The following KHDRBS2 variants were observed in gnomAD, a reference collection of about 807,000 sequenced individuals.
The protein encoded by KHDRBS2 is KH RNA binding domain containing, signal transduction associated 2.
A neutral mutation model predicts 44.3 loss-of-function variants in KHDRBS2; 26 were observed. The ratio of observed to expected loss-of-function variants is 0.59; its 90% CI spans 0.43 to 0.81. The LOEUF (loss-of-function observed/expected upper bound fraction) is 0.81. KHDRBS2 is among the 40% of genes least tolerant of loss of function. The pLI, the probability that KHDRBS2 is intolerant of heterozygous loss-of-function variation, is 0.00. For missense variants in KHDRBS2, 476 were observed against 433.1 expected, an observed-to-expected ratio of 1.10 and a Z score of -0.88; for synonymous variants, 194 against 151.1, an observed-to-expected ratio of 1.28 and a Z score of -2.08.
At position 61,681,023 on chromosome 6, in the gene KHDRBS2, C is replaced by T. The variant is rs749160853; in HGVS notation, c.990G>A (p.Lys330=). The change falls in exon 9 of 9, where the codon AAG becomes AAA. Residue 330 remains lysine, a synonymous_variant. Transcript: ENST00000281156. The stretch of plus-strand genomic sequence containing the variant: ...CTCTGGCTGACCTTTGCGGTGGTGC[C>T]TTCAAGCTAGAGCGGGTTGTGGCCC... The part of the protein sequence containing the change: ...EEWATTRSSL[K]APPQRSARGG... The T allele has an allele frequency of 1.2e-6, 2 of 1,611,788 alleles. No homozygotes were observed. Among genetic ancestry groups the T allele is most frequent in the East Asian group, 2.2e-5 (1 of 44,758 alleles).
intron 6 of KHDRBS2, among the ~76,000 whole-genome samples, chr6:61,805,490 C>G (rs1181560165): frequency 6.6e-6 from 1 of 152,132 alleles, no homozygotes; most frequent in Non-Finnish European, 1.5e-5. Context: ...TTCCAGATAT[C>G]TTTATAGCAG....
At chr6:61,994,303 T>G (rs1381285498) in intron 3 of KHDRBS2, among the ~76,000 whole-genome samples, 2 of 152,160 alleles carry the variant, frequency 1.3e-5, no homozygotes, top group Non-Finnish European at 2.9e-5. Flanking sequence ...GGGATAGAAC[T>G]CACCTCTAAA....
chr6:61,845,232 C>T (rs1562286850), intron 6 of KHDRBS2, among the ~76,000 whole-genome samples: 1 of 151,952 alleles, frequency 6.6e-6, no homozygotes, highest in Non-Finnish European at 1.5e-5. Flanking sequence ...TAAGTATTTA[C>T]CCATTTTGCC....
chr6:61,574,322 G>T, the KHDRBS2 span: 1 of 1,528,110 alleles, frequency 6.5e-7, no homozygotes, highest in Non-Finnish European at 8.8e-7. Context: ...ATAGGGACTT[G>T]TATGAATGGC....
chr6:61,946,384 T>A (rs7757053), intron 4 of KHDRBS2, among the ~76,000 whole-genome samples: 1,628 of 152,314 alleles, frequency 0.011, 25 homozygotes, highest in African/African-American at 0.037. Flanking sequence ...AAGCCTTAGG[T>A]CATCCATGCT....
At chr6:61,609,242 T>C in the KHDRBS2 span, among the ~76,000 whole-genome samples, 2 of 152,108 alleles carry the variant, frequency 1.3e-5, no homozygotes, top group African/African-American at 2.4e-5. Context: ...ACCTGTAATT[T>C]CAGCTACTCA....
At chr6:61,955,627 C>CTT (rs1562521533) in intron 4 of KHDRBS2, among the ~76,000 whole-genome samples, 1 of 57,698 alleles carries the variant, frequency 1.7e-5, no homozygotes, top group Admixed American at 1.8e-4. Flanking sequence ...TGTATGCATA[C>CTT]ATGTGTATAT....
the KHDRBS2 span, among the ~76,000 whole-genome samples, chr6:61,606,154 C>T: frequency 8.7e-4 from 132 of 152,312 alleles, no homozygotes; most frequent in Non-Finnish European, 1.5e-3. Flanking sequence ...AAAGGCCCCA[C>T]CCCTATCTCC....
At chr6:61,941,733 C>T (rs1384482215) in intron 4 of KHDRBS2, among the ~76,000 whole-genome samples, 1 of 152,002 alleles carries the variant, frequency 6.6e-6, no homozygotes, top group Admixed American at 6.6e-5. Flanking sequence ...TCCTACATAA[C>T]CAACACCGTA....
intron 6 of KHDRBS2, among the ~76,000 whole-genome samples, chr6:61,867,654 T>G (rs747173162): frequency 2.6e-4 from 40 of 152,158 alleles, no homozygotes; most frequent in Non-Finnish European, 5.3e-4. Flanking sequence ...GTTTGCTTGT[T>G]TTTGTGTTGT....
At chr6:62,214,670 GA>G (rs1829673102) in intron 1 of KHDRBS2, among the ~76,000 whole-genome samples, 1 of 151,888 alleles carries the variant, frequency 6.6e-6, no homozygotes, top group Non-Finnish European at 1.5e-5. Context: ...CTGAAAGGGA[GA>G]CCTAGGAAGG....
intron 6 of KHDRBS2, among the ~76,000 whole-genome samples, chr6:61,811,519 A>C (rs1330857088): frequency 6.6e-6 from 1 of 152,138 alleles, no homozygotes; most frequent in Non-Finnish European, 1.5e-5. Context: ...TCTTTGAGAA[A>C]ATTCCAAACT....
At chr6:61,800,191 G>A (rs1056879666) in intron 6 of KHDRBS2, among the ~76,000 whole-genome samples, 3 of 151,966 alleles carry the variant, frequency 2.0e-5, no homozygotes, top group African/African-American at 7.3e-5. Flanking sequence ...ATTAATCTGG[G>A]TGTAAAACTT....
the KHDRBS2 span, among the ~76,000 whole-genome samples, chr6:61,563,935 G>A: frequency 6.6e-6 from 1 of 152,052 alleles, no homozygotes; most frequent in South Asian, 2.1e-4. Context: ...CAGCAATAGA[G>A]GAATGAGAGT....
intron 6 of KHDRBS2, among the ~76,000 whole-genome samples, chr6:61,778,804 A>T (rs1217472818): frequency 6.6e-6 from 1 of 152,218 alleles, no homozygotes; most frequent in Non-Finnish European, 1.5e-5. Flanking sequence ...AAAATGCCAG[A>T]AAGAATGGAC....
chr6:62,189,254 A>G (rs1824093989), intron 1 of KHDRBS2, among the ~76,000 whole-genome samples: 1 of 152,132 alleles, frequency 6.6e-6, no homozygotes, highest in Non-Finnish European at 1.5e-5. Flanking sequence ...GCCTTTTGCT[A>G]ACAGCAGTGT....
the KHDRBS2 span, among the ~76,000 whole-genome samples, chr6:61,620,356 A>G: frequency 5.3e-5 from 8 of 152,160 alleles, no homozygotes; most frequent in South Asian, 1.7e-3. Flanking sequence ...ATATTTATAT[A>G]TTATGTACTT....
rs535919432 is a variant in KHDRBS2, at chr6:61,886,204, T to G, written c.810+8431A>C. On this transcript the variant is annotated intron_variant, in intron 6 of 8. Transcript: ENST00000281156. ...TCTTCAGGTGGCATTTTATTATAAG[T>G]GAAGTTACAACCTCAGCCTTGAGGG... Among the ~76,000 whole-genome samples the G allele has an allele frequency of 2.0e-5, 3 of 152,306 alleles. No homozygotes were observed. The South Asian group carries it at 6.2e-4, about 32-fold the overall frequency.
chr6:62,193,265 C>CT (rs773919473), intron 1 of KHDRBS2, among the ~76,000 whole-genome samples: 49 of 152,006 alleles, frequency 3.2e-4, no homozygotes, highest in Non-Finnish European at 5.1e-4. Context: ...TACCTGAAAT[C>CT]TTATATGGTC....
Sources: allele counts gnomAD v4.1 joint callset (sites outside exome capture counted in the v4.1 genomes callset), GRCh38; gene constraint gnomAD v4.1.1; transcripts MANE v1.5; gene names NCBI Gene and HGNC (gene_info 2026-07-23, HGNC 2026-07-21).